The following TNRC18 variants were observed in gnomAD, a reference collection of about 807,000 sequenced individuals.
TNRC18 encodes trinucleotide repeat containing 18, also known as trinucleotide repeat-containing gene 18 protein.
TNRC18 carries 69 observed loss-of-function variants against 226.7 expected under a neutral mutation model. The ratio of observed to expected loss-of-function variants is 0.30; its 90% CI spans 0.25 to 0.37. The LOEUF (loss-of-function observed/expected upper bound fraction) is 0.37, where lower values mean the gene tolerates loss of function less well. Ranked by LOEUF, TNRC18 falls within the 10% of genes least tolerant of loss-of-function variation. The pLI is 1.00. For synonymous variants in TNRC18, 2,449 were observed against 1,927.6 expected, an observed-to-expected ratio of 1.27 and a Z score of -7.09; for missense variants, 4,754 against 4,256.6, an observed-to-expected ratio of 1.12 and a Z score of -3.25.
chr7:5,330,529 G>T (rs186900811), intron 19 of TNRC18, among the ~76,000 whole-genome samples: 2 of 151,744 alleles, frequency 1.3e-5, no homozygotes, highest in East Asian at 3.9e-4. Context: ...GTGAGCCACC[G>T]CAGCCAGTCT....
intron 2 of TNRC18, among the ~76,000 whole-genome samples, chr7:5,396,298 A>C (rs1011434191): frequency 1.3e-5 from 2 of 152,012 alleles, no homozygotes; most frequent in African/African-American, 4.8e-5. Context: ...CAGTGAGCTG[A>C]GATCGTGCCA....
intron 4 of TNRC18, 125 bp from the exon 5 acceptor site, chr7:5,389,461 G>GTTTTTTTGTTTTTTTTTGTTTT: frequency 3.5e-6 from 2 of 564,674 alleles, no homozygotes; most frequent in Non-Finnish European, 4.5e-6. Flanking sequence ...TTTGGTTTTG[G>GTTTTTTTGTTTTTTTTTGTTTT]TTTTTTTTTT....
chr7:5,388,183 G>C lies in TNRC18; in HGVS notation c.1641C>G (p.Ser547=), dbSNP rs1192442782. The change falls in exon 5 of 30, where the codon TCC becomes TCG. Residue 547 remains serine (S), a synonymous_variant. Coordinates refer to ENST00000430969, the MANE Select transcript of TNRC18 (RefSeq NM_001080495.3). ...CCCCAGGGTCCAGGTAGGCCTTCTT[G>C]GAGGAGGAGGCAGCGACCACGGCGG... ...EEAAVVAASS[S]KKAYLDPGAV... is the part of the protein sequence containing the mutation. The C allele has an allele frequency of 1.3e-6, 2 of 1,586,032 alleles. No homozygotes were observed. Among genetic ancestry groups the C allele is most frequent in the Non-Finnish European group, 1.7e-6 (2 of 1,168,040 alleles).
At position 5,309,351 on chromosome 7, in the gene TNRC18, G is replaced by A. The variant is rs754751654; in HGVS notation, c.8406C>T (p.Gly2802=). The A allele has an allele frequency of 3.1e-6, 5 of 1,612,954 alleles. No homozygotes were observed. In the East Asian group the frequency reaches 8.9e-5, roughly 29 times the overall value. ...CCTTGTAGAAGAGCTTGCGGGCCTT[G>A]CCCTTCATGCCACGCCGCTGCAAGG... ...GKPTQRRGMK[G]KARKLFYKAI... The change falls in exon 28 of 30, where the codon GGC becomes GGT. Residue 2802 remains glycine, a synonymous_variant. Coordinates refer to ENST00000430969, the MANE Select transcript of TNRC18 (RefSeq NM_001080495.3). The surrounding 1 kb of genome is among the most constrained non-coding windows in gnomAD (Gnocchi z 5.7).
chr7:5,321,997 A>C (rs974421996), intron 21 of TNRC18, among the ~76,000 whole-genome samples: 8 of 151,606 alleles, frequency 5.3e-5, no homozygotes, highest in African/African-American at 1.7e-4. Flanking sequence ...TAATTTTTTC[A>C]AGCCAGGCGC....
intron 9 of TNRC18, among the ~76,000 whole-genome samples, chr7:5,375,581 G>A (rs932862487): frequency 3.9e-5 from 6 of 152,092 alleles, no homozygotes; most frequent in Admixed American, 6.5e-5. Context: ...CTCCTCCAGA[G>A]CAGACCCTTT....
chr7:5,398,906 G>A (rs927420841), intron 2 of TNRC18, among the ~76,000 whole-genome samples: 2 of 152,310 alleles, frequency 1.3e-5, no homozygotes, highest in East Asian at 1.9e-4. Context: ...TTACAGGCAT[G>A]AGCCACCCTG....
chr7:5,388,935 C>A lies in TNRC18; in HGVS notation c.889G>T (p.Val297Leu). The part of the protein sequence containing the change: ...GAGDVGLPAL[V>L]AEAGRGGAKE... ...GCACCCCCGCGCCCCGCTTCGGCCACCAGCGCGGGCAGCCCCACGTCCCCG... is the reference window on the plus strand; with the variant it reads ...GCACCCCCGCGCCCCGCTTCGGCCAACAGCGCGGGCAGCCCCACGTCCCCG... The change falls in exon 5 of 30, where the codon GTG becomes TTG. Residue 297 changes from valine to leucine, a missense_variant. By Grantham distance (32) the Val-to-Leu change is conservative (BLOSUM62 1). Coordinates refer to ENST00000430969, the MANE Select transcript of TNRC18 (RefSeq NM_001080495.3). 7.2e-7 allele frequency: 1 copy of A among 1,381,460 alleles called. No homozygotes were observed. The allele number at this position is 1,381,460 out of a possible 1,614,324, so 85.6% of individuals were successfully genotyped here.
At chr7:5,333,802 C>A (rs1053739741) in intron 18 of TNRC18, among the ~76,000 whole-genome samples, 1 of 152,192 alleles carries the variant, frequency 6.6e-6, no homozygotes, top group African/African-American at 2.4e-5. Flanking sequence ...CAGAAGGAGA[C>A]CCACCCCACA....
intron 14 of TNRC18, among the ~76,000 whole-genome samples, chr7:5,360,724 G>T (rs1792945631): frequency 6.6e-6 from 1 of 152,046 alleles, no homozygotes; most frequent in Non-Finnish European, 1.5e-5. Context: ...CCCTGCCCCT[G>T]CTGCGGCTGG....
Position 5,320,580 on chromosome 7 carries a change from C to A in TNRC18, c.6588G>T (p.Arg2196=). 2 of 1,611,592 alleles carry A rather than the reference C, an allele frequency of 1.2e-6. No homozygotes were observed. Among genetic ancestry groups the A allele is most frequent in the Non-Finnish European group, 1.7e-6 (2 of 1,179,672 alleles). ...DIYRVVVEGE[R]GNRPHIYCLE... is the part of the protein sequence containing the mutation. ...GACAGTAGATGTGGGGCCGGTTGCCCCGCTCACCCTCCACCACCACGCGGT... is the reference window on the plus strand; with the variant it reads ...GACAGTAGATGTGGGGCCGGTTGCCACGCTCACCCTCCACCACCACGCGGT... Residue 2196 remains arginine, a synonymous_variant, in exon 23 of 30, where the codon CGG becomes CGT. Transcript: ENST00000430969.
rs1309722065 is a variant in TNRC18, at chr7:5,377,583, G to A, written c.2256-7C>T. Reference sequence around the variant, plus strand: ...AGCCAGCTCCTTACTCTCTCTGGAAGGAGGATCATAGGTGTCAGCGACAGC... The same window carrying A: ...AGCCAGCTCCTTACTCTCTCTGGAAAGAGGATCATAGGTGTCAGCGACAGC... On this transcript the variant is annotated splice_region_variant and splice_polypyrimidine_tract_variant and intron_variant, in intron 6 of 29. Transcript: ENST00000430969. The surrounding 1 kb of genome is among the most constrained non-coding windows in gnomAD (Gnocchi z 5.8). 2 of 1,572,280 alleles carry A rather than the reference G, an allele frequency of 1.3e-6. No homozygotes were observed. Among genetic ancestry groups the A allele is most frequent in the Non-Finnish European group, 1.7e-6 (2 of 1,158,838 alleles).
intron 2 of TNRC18, among the ~76,000 whole-genome samples, chr7:5,399,055 G>A (rs546006116): frequency 6.6e-6 from 1 of 152,194 alleles, no homozygotes; most frequent in Non-Finnish European, 1.5e-5. Flanking sequence ...GCCCATGCCA[G>A]GCCATCCTGC....
intron 5 of TNRC18, among the ~76,000 whole-genome samples, chr7:5,387,147 C>T (rs1779850802): frequency 6.6e-6 from 1 of 152,204 alleles, no homozygotes; most frequent in Non-Finnish European, 1.5e-5. Flanking sequence ...CACTTACAGG[C>T]ACGTAAACTC....
rs1407512496 is a variant in TNRC18 at position 5,313,510 on chromosome 7, G to T, written c.7381C>A (p.Leu2461Ile). Residue 2461 changes from leucine (L) to isoleucine (I), a missense_variant, in exon 27 of 30, where the codon CTT becomes ATT. Coordinates refer to ENST00000430969, the MANE Select transcript of TNRC18 (RefSeq NM_001080495.3). ...ACACCCTCGTGGTCCAGTTTGACAA[G>T]CAGCTCGGCCTCCTCCCCCGGCCTC... ...PRRPGEEAEL[L>I]VKLDHEGVTS... 15 of 1,613,060 alleles carry T rather than the reference G, an allele frequency of 9.3e-6. No homozygotes were observed. Among genetic ancestry groups the T allele is most frequent in the Non-Finnish European group, 1.1e-5 (13 of 1,179,512 alleles).
intron 21 of TNRC18, among the ~76,000 whole-genome samples, chr7:5,321,420 C>T (rs924013736): frequency 6.6e-6 from 1 of 152,104 alleles, no homozygotes; most frequent in African/African-American, 2.4e-5. Flanking sequence ...TCCTCCTAGC[C>T]CCCTCCCCTG....
At chr7:5,345,517 G>GGGGGGGCGCCCCCCCCCCCCCCCC in intron 18 of TNRC18, 45 bp downstream of exon 18, 1 of 377,744 alleles carries the variant, frequency 2.6e-6, no homozygotes, top group Non-Finnish European at 4.8e-6. Context: ...AATGGCGTCC[G>GGGGGGGCGCCCCCCCCCCCCCCCC]CCCCTCCCAC....
At chr7:5,384,215 G>A (rs553871511) in intron 5 of TNRC18, among the ~76,000 whole-genome samples, 7 of 152,174 alleles carry the variant, frequency 4.6e-5, no homozygotes, top group Middle Eastern at 3.4e-3. Context: ...TGATCCACCC[G>A]CCTCGGTCTC....
chr7:5,415,366 CCTCTTT>C (rs1782113355), intron 2 of TNRC18, among the ~76,000 whole-genome samples: 1 of 142,432 alleles, frequency 7.0e-6, no homozygotes, highest in Non-Finnish European at 1.5e-5. Context: ...GGTCTGTGTC[CCTCTTT>C]TTTTTTTTTT....
Sources: gnomAD v4.1 joint callset for allele counts (sites outside exome capture counted in the v4.1 genomes callset) on GRCh38, gnomAD v4.1.1 for gene constraint, Gnocchi (gnomAD v3.1) non-coding constraint, MANE v1.5 for transcripts, NCBI Gene and HGNC (gene_info 2026-07-23, HGNC 2026-07-21) for gene names.